OLFM4: variants seen among roughly 807,000 people sequenced by gnomAD.
OLFM4 encodes olfactomedin-4.
Under a neutral mutation model 25.5 loss-of-function variants are expected in OLFM4, and 22 were observed. The observed-to-expected ratio is 0.86, with a 90% CI of 0.62 to 1.23. The LOEUF is 1.23. Among genes scored for constraint, OLFM4 ranks in the 50% most tolerant of loss-of-function variants. The probability of loss-of-function intolerance (pLI) is 0.00; values close to 1 mark genes in which losing one functional copy is unlikely to be tolerated. For missense variants in OLFM4, 594 were observed against 619.4 expected (o/e 0.96, Z 0.44); for synonymous variants, 255 against 237.7 (o/e 1.07, Z -0.67).
intron 4 of OLFM4, 60 bp downstream of exon 4, chr13:53,043,324 G>A: frequency 7.2e-7 from 1 of 1,393,468 alleles, no homozygotes; most frequent in Non-Finnish European, 9.5e-7. Flanking sequence ...TGTGAGTGGG[G>A]TGGGGAAGGG....
chr13:53,047,529 C>T (rs1182859096), intron 4 of OLFM4, among the ~76,000 whole-genome samples: 1 of 152,110 alleles, frequency 6.6e-6, no homozygotes, highest in African/African-American at 2.4e-5. Context: ...GCCCTTTATC[C>T]TTACCCATAG....
chr13:53,043,287 C>T, intron 4 of OLFM4, 23 bp downstream of exon 4: 1 of 1,572,760 alleles, frequency 6.4e-7, no homozygotes, highest in Non-Finnish European at 8.6e-7. Flanking sequence ...GTTTTTTTAA[C>T]CACTTGTGCC....
chr13:53,045,269 G>C (rs917737635), intron 4 of OLFM4, among the ~76,000 whole-genome samples: 9 of 151,972 alleles, frequency 5.9e-5, no homozygotes, highest in African/African-American at 2.2e-4. Context: ...CTCACACTTA[G>C]ACTTCTGTGA....
At chr13:53,038,721 T>A (rs1320203057) in intron 2 of OLFM4, among the ~76,000 whole-genome samples, 1 of 152,232 alleles carries the variant, frequency 6.6e-6, no homozygotes, top group South Asian at 2.1e-4. Flanking sequence ...CCAGGCAGGC[T>A]GGGCTGCCTC....
At chr13:53,048,779 C>T (rs1463499913) in intron 4 of OLFM4, among the ~76,000 whole-genome samples, 2 of 152,146 alleles carry the variant, frequency 1.3e-5, no homozygotes, top group East Asian at 3.9e-4. Context: ...TCCTGTCTCA[C>T]CTGCTCTGCT....
At chr13:53,030,503 A>C (rs952816488) in intron 1 of OLFM4, among the ~76,000 whole-genome samples, 1 of 152,106 alleles carries the variant, frequency 6.6e-6, no homozygotes, top group South Asian at 2.1e-4. Flanking sequence ...GAGTTTCACC[A>C]TGTTGGTCAG....
At position 53,043,321 on chromosome 13, in the gene OLFM4, G is replaced by A. The variant is rs868658273; in HGVS notation, c.730+57G>A. On this transcript the variant is annotated intron_variant, in intron 4 of 4. Coordinates refer to ENST00000219022, the MANE Select transcript of OLFM4 (RefSeq NM_006418.5). The stretch of plus-strand genomic sequence containing the variant: ...CCAGACCCCATAAGGAGCTGTGAGT[G>A]GGGTGGGGAAGGGATTGGGGATTGC... 9 of 1,420,336 alleles carry A rather than the reference G, an allele frequency of 6.3e-6. No individual in the cohort carries two copies. The Middle Eastern group carries it at 5.7e-4, about 90-fold the overall frequency. 88.0% of individuals were successfully genotyped at this position (1,420,336 alleles called of 1,614,324 possible).
Position 53,042,054 on chromosome 13 carries a change from A to G in OLFM4, c.502A>G (p.Lys168Glu), listed in dbSNP as rs374965957. Residue 168 changes from lysine to glutamate, a missense_variant, in exon 3 of 5, where the codon AAA becomes GAA. Lys to Glu is a moderately conservative substitution (Grantham distance 56, BLOSUM62 1). Transcript: ENST00000219022. ...CAAGGTAGAAGTGAAGGAGATGGAA[A>G]AACTGGTCATACAGCTGAAGGAGAG... The part of the protein sequence containing the change: ...LIKVEVKEME[K>E]LVIQLKESFG... 5.6e-6 allele frequency: 9 copies of G among 1,614,108 alleles called. No individual in the cohort carries two copies. Among genetic ancestry groups the G allele is most frequent in the Non-Finnish European group, 7.6e-6 (9 of 1,179,980 alleles).
chr13:53,031,679 G>A (rs1429425137), intron 1 of OLFM4, among the ~76,000 whole-genome samples: 2 of 152,172 alleles, frequency 1.3e-5, no homozygotes, highest in South Asian at 4.1e-4. Context: ...AGTGACAGTG[G>A]GCCTGATTCC....
rs1264682324 is a variant in OLFM4 at position 53,051,067 on chromosome 13, C to G, written c.*296C>G. Reference sequence around the variant, plus strand: ...ACTGTGAGGAGGCTTCACTAGAAGCCTTAAATTAGGAATTAAGGAACTTAA... The same window carrying G: ...ACTGTGAGGAGGCTTCACTAGAAGCGTTAAATTAGGAATTAAGGAACTTAA... On this transcript the variant is annotated 3_prime_UTR_variant, in exon 5 of 5. Coordinates refer to ENST00000219022, the MANE Select transcript of OLFM4 (RefSeq NM_006418.5). The G allele has an allele frequency of 6.8e-6, 2 of 293,276 alleles. No individual in the cohort carries two copies. Among genetic ancestry groups the G allele is most frequent in the African/African-American group, 4.3e-5 (2 of 46,006 alleles). The allele number at this position is 293,276 out of a possible 1,614,324, so 18.2% of individuals were successfully genotyped here.
chr13:53,050,534 C>A lies in OLFM4; in HGVS notation c.1296C>A (p.Asn432Lys). 6.2e-7 allele frequency: 1 copy of A among 1,613,984 alleles called. No individual in the cohort carries two copies. The highest frequency in any genetic ancestry group is 8.5e-7 in the Non-Finnish European group (1 of 1,179,936). ...YTKQYKPSASNAFMVCGVLYA... is the reference protein window; with the variant it reads ...YTKQYKPSASKAFMVCGVLYA... Reference sequence around the variant, plus strand: ...AGCAGTATAAACCATCTGCTTCTAACGCCTTCATGGTATGTGGGGTTCTGT... The same window carrying A: ...AGCAGTATAAACCATCTGCTTCTAAAGCCTTCATGGTATGTGGGGTTCTGT... The change falls in exon 5 of 5, where the codon AAC becomes AAA. Residue 432 changes from asparagine (N) to lysine (K), a missense_variant. Asn to Lys is a moderately conservative substitution (Grantham distance 94, BLOSUM62 0). Transcript: ENST00000219022.
intron 2 of OLFM4, among the ~76,000 whole-genome samples, chr13:53,038,096 C>T (rs1954668544): frequency 6.6e-6 from 1 of 152,136 alleles, no homozygotes; most frequent in African/African-American, 2.4e-5. Context: ...AGTGCTCAGA[C>T]TTGTCATGAT....
rs531421025 is a variant in OLFM4 at position 53,043,471 on chromosome 13, G to T, written c.730+207G>T. Among the ~76,000 whole-genome samples the T allele has an allele frequency of 3.1e-4, 46 of 149,630 alleles. 1 individual carries two copies. In the South Asian group the frequency reaches 9.6e-3, roughly 31 times the overall value. On this transcript the variant is annotated intron_variant, in intron 4 of 4. Coordinates refer to ENST00000219022, the MANE Select transcript of OLFM4 (RefSeq NM_006418.5). The stretch of plus-strand genomic sequence containing the variant: ...ATGCTATCATATTCTGGGTTTCAAA[G>T]AGGAAGAGCACAAACAATGAGTTGA...
chr13:53,043,238 C>T lies in OLFM4; in HGVS notation c.704C>T (p.Pro235Leu), dbSNP rs753842712. 4.3e-6 allele frequency: 7 copies of T among 1,609,784 alleles called. No individual in the cohort carries two copies. The highest frequency in any genetic ancestry group is 5.9e-6 in the Non-Finnish European group (7 of 1,178,534). The change falls in exon 4 of 5, where the codon CCT (proline) becomes CTT (leucine). Residue 235 changes from proline (P) to leucine (L), a missense_variant. Physicochemically the swap from Pro to Leu is moderately conservative, Grantham distance 98. Transcript: ENST00000219022. ...ECEASKDQNT[P>L]VVHPPPTPGS... ...GAGGCCTCTAAAGATCAAAACACCC[C>T]TGTCGTCCACCCTCCTCCCACTCCA...
rs1954746300 is a variant in OLFM4, at chr13:53,051,124, C to G, written c.*353C>G. 2 of 187,124 alleles carry G rather than the reference C, an allele frequency of 1.1e-5. No homozygotes were observed. The highest frequency in any genetic ancestry group is 2.2e-5 in the Non-Finnish European group (2 of 91,830). 11.6% of individuals were successfully genotyped at this position (187,124 alleles called of 1,614,324 possible). On this transcript the variant is annotated 3_prime_UTR_variant, in exon 5 of 5. Transcript: ENST00000219022. ...GTATGGCGTCTAGGGATTCTTTGTACAGGAAATATTGCCCAATGACTAGTC... is the reference window on the plus strand; with the variant it reads ...GTATGGCGTCTAGGGATTCTTTGTAGAGGAAATATTGCCCAATGACTAGTC...
At chr13:53,041,601 G>T (rs1954687145) in intron 2 of OLFM4, among the ~76,000 whole-genome samples, 1 of 151,982 alleles carries the variant, frequency 6.6e-6, no homozygotes, top group Non-Finnish European at 1.5e-5. Context: ...ACAAACCTGG[G>T]TATATACCCC....
At position 53,050,308 on chromosome 13, in the gene OLFM4, C is replaced by A; in HGVS notation, c.1070C>A (p.Thr357Lys). ...GCCAGAGTTAACCTGACCACCAACA[C>A]GATTGCTGTGACTCAAACTCTCCCT... The part of the protein sequence containing the change: ...NIARVNLTTN[T>K]IAVTQTLPNA... The change falls in exon 5 of 5, where the codon ACG becomes AAG. Residue 357 changes from threonine (T) to lysine (K), a missense_variant. Physicochemically the swap from Thr to Lys is moderately conservative, Grantham distance 78. Coordinates refer to ENST00000219022, the MANE Select transcript of OLFM4 (RefSeq NM_006418.5). 4 of 1,614,066 alleles carry A rather than the reference C, an allele frequency of 2.5e-6. No individual in the cohort carries two copies. The highest frequency in any genetic ancestry group is 2.5e-6 in the Non-Finnish European group (3 of 1,179,974).
chr13:53,050,076 C>A lies in OLFM4; in HGVS notation c.838C>A (p.Pro280Thr), dbSNP rs565369937. The A allele has an allele frequency of 3.7e-6, 6 of 1,613,912 alleles. No individual in the cohort carries two copies. The highest frequency in any genetic ancestry group is 5.1e-6 in the Non-Finnish European group (6 of 1,179,912). The change falls in exon 5 of 5, where the codon CCC becomes ACC. Residue 280 changes from proline to threonine, a missense_variant. Pro to Thr is a conservative substitution (Grantham distance 38). Coordinates refer to ENST00000219022, the MANE Select transcript of OLFM4 (RefSeq NM_006418.5). ...TGGTGCTTGGGGTAGGGATTACTCT[C>A]CCCAGCATCCAAACAAAGGACTGTA... The part of the protein sequence containing the change: ...LYGAWGRDYS[P>T]QHPNKGLYWV...
intron 4 of OLFM4, among the ~76,000 whole-genome samples, chr13:53,046,654 C>T (rs1387805416): frequency 6.6e-6 from 1 of 152,156 alleles, no homozygotes; most frequent in African/African-American, 2.4e-5. Flanking sequence ...GTAAAGAAAC[C>T]TCCAGAAGCC....
Sources: allele counts gnomAD v4.1 joint callset (sites outside exome capture counted in the v4.1 genomes callset), GRCh38; gene constraint gnomAD v4.1.1; transcripts MANE v1.5; gene names NCBI Gene and HGNC (gene_info 2026-07-23, HGNC 2026-07-21).